Variants in MCPH1 observed in about 807,000 individuals in gnomAD.
The protein encoded by MCPH1 is microcephalin 1.
In MCPH1, 104 loss-of-function variants were observed where a neutral mutation model predicts 84.5. That is an observed-to-expected ratio of 1.23 (90% confidence interval 1.05 to 1.45). The LOEUF is 1.45. Among genes scored for constraint, MCPH1 ranks in the 40% most tolerant of loss-of-function variants. The pLI, the probability that MCPH1 is intolerant of heterozygous loss-of-function variation, is 0.00. For synonymous variants in MCPH1, 514 were observed against 366.8 expected, an observed-to-expected ratio of 1.40 and a Z score of -4.58; for missense variants, 1,498 against 1,005.7, an observed-to-expected ratio of 1.49 and a Z score of -6.62.
Position 6,489,227 on chromosome 8 carries a change from T to C in MCPH1, c.2136+8351T>C, listed in dbSNP as rs375831831. On this transcript the variant is annotated intron_variant, in intron 11 of 13. Transcript: ENST00000344683. The stretch of plus-strand genomic sequence containing the variant: ...AACTATTCACTCCAGCCATGGTACC[T>C]GGAAGGGAGTGTGAATGAAGAAATG... Among the ~76,000 whole-genome samples the C allele has an allele frequency of 1.0e-3, 155 of 151,972 alleles. 2 individuals carry two copies. The highest frequency in any genetic ancestry group is 3.7e-3 in the African/African-American group (153 of 41,424).
intron 12 of MCPH1, among the ~76,000 whole-genome samples, chr8:6,568,251 C>G (rs1826370140): frequency 8.6e-6 from 1 of 116,838 alleles, no homozygotes; most frequent in South Asian, 2.6e-4. Context: ...CCATCGCTAG[C>G]TGAATGTGGA....
chr8:6,444,785 A>G lies in MCPH1; in HGVS notation c.1063A>G (p.Lys355Glu). 1 of 1,614,086 alleles carries G rather than the reference A, an allele frequency of 6.2e-7. No homozygotes were observed. The highest frequency in any genetic ancestry group is 8.5e-7 in the Non-Finnish European group (1 of 1,179,990). Residue 355 changes from lysine to glutamate, a missense_variant, in exon 8 of 14, where the codon AAG becomes GAG. Physicochemically the swap from Lys to Glu is moderately conservative, Grantham distance 56. Coordinates refer to ENST00000344683, the MANE Select transcript of MCPH1 (RefSeq NM_024596.5). ...TTCAAGACCCAGGAGTTCCTCAGTAAAGAGAAAAAGAGTATCACATGGCTC... is the reference window on the plus strand; with the variant it reads ...TTCAAGACCCAGGAGTTCCTCAGTAGAGAGAAAAAGAGTATCACATGGCTC... ...IHSRPRSSSVKRKRVSHGSHS... is the reference protein window; with the variant it reads ...IHSRPRSSSVERKRVSHGSHS...
At chr8:6,493,259 T>G (rs187457169) in intron 11 of MCPH1, among the ~76,000 whole-genome samples, 74 of 152,344 alleles carry the variant, frequency 4.9e-4, no homozygotes, top group African/African-American at 1.6e-3. Flanking sequence ...AGTTAAGCCT[T>G]AACATCGAGA....
At chr8:6,574,019 C>T (rs754685332) in intron 12 of MCPH1, among the ~76,000 whole-genome samples, 7 of 152,096 alleles carry the variant, frequency 4.6e-5, no homozygotes, top group Non-Finnish European at 8.8e-5. Context: ...TTACAATTTC[C>T]CAAGAATAAT....
intron 12 of MCPH1, among the ~76,000 whole-genome samples, chr8:6,537,822 TC>T (rs1282842084): frequency 2.0e-5 from 3 of 152,120 alleles, no homozygotes; most frequent in Non-Finnish European, 1.5e-5. Context: ...ATGAAAACTA[TC>T]CCCAACTTGG....
chr8:6,562,175 C>G (rs1470351651), intron 12 of MCPH1, among the ~76,000 whole-genome samples: 1 of 152,178 alleles, frequency 6.6e-6, no homozygotes, highest in Non-Finnish European at 1.5e-5. Flanking sequence ...TGGTAAAGCA[C>G]TTTACTCCAT....
intron 12 of MCPH1, among the ~76,000 whole-genome samples, chr8:6,611,190 A>G (rs142817005): frequency 1.7e-3 from 266 of 152,106 alleles, no homozygotes; most frequent in African/African-American, 6.4e-3. Context: ...GGTTTTTTTC[A>G]TGCCAAACAA....
intron 4 of MCPH1, among the ~76,000 whole-genome samples, chr8:6,435,433 GA>G (rs1414731010): frequency 2.0e-5 from 3 of 152,164 alleles, no homozygotes; most frequent in African/African-American, 7.2e-5. Flanking sequence ...CATAGGCAGA[GA>G]AAACAAAGTG....
In MCPH1 at chr8:6,578,396, G is replaced by T. The variant is rs181252210; in HGVS notation, c.2215-43058G>T. On this transcript the variant is annotated intron_variant, in intron 12 of 13. Transcript: ENST00000344683. Reference sequence around the variant, plus strand: ...CCTTTCCTGAATGTGTTTACTTAGGGCTTAAAAATATGCCTGTTTTCAGAA... The same window carrying T: ...CCTTTCCTGAATGTGTTTACTTAGGTCTTAAAAATATGCCTGTTTTCAGAA... Among the ~76,000 whole-genome samples the T allele has an allele frequency of 1.5e-3, 228 of 152,256 alleles. 2 individuals carry two copies. The highest frequency in any genetic ancestry group is 5.4e-3 in the African/African-American group (223 of 41,546).
chr8:6,497,668 T>A (rs983515911), intron 11 of MCPH1, among the ~76,000 whole-genome samples: 11 of 152,190 alleles, frequency 7.2e-5, no homozygotes, highest in African/African-American at 2.7e-4. Flanking sequence ...GTACAACACA[T>A]GTAGCACTCC....
chr8:6,591,776 A>T (rs1828474533), intron 12 of MCPH1, among the ~76,000 whole-genome samples: 1 of 152,220 alleles, frequency 6.6e-6, no homozygotes, highest in South Asian at 2.1e-4. Context: ...CACCAGGGAC[A>T]ACTTCGTCTA....
intron 12 of MCPH1, chr8:6,508,785 C>T (rs1814316852): frequency 8.5e-7 from 1 of 1,170,370 alleles, no homozygotes. Context: ...AAGTGAAAAA[C>T]ACATTTACCT....
intron 12 of MCPH1, among the ~76,000 whole-genome samples, chr8:6,606,147 A>G (rs1220491019): frequency 2.6e-5 from 4 of 152,248 alleles, no homozygotes; most frequent in African/African-American, 9.6e-5. Flanking sequence ...CTAAGTCCCA[A>G]AGTGTTGCAA....
In MCPH1 at chr8:6,586,055, G is replaced by T. The variant is rs558590729; in HGVS notation, c.2215-35399G>T. On this transcript the variant is annotated intron_variant, in intron 12 of 13. Coordinates refer to ENST00000344683, the MANE Select transcript of MCPH1 (RefSeq NM_024596.5). The stretch of plus-strand genomic sequence containing the variant: ...GGCTCACTGCAGCCTTGACCTCCTG[G>T]GTTCAAGTGATCCTTGTACTTCAAC... Among the ~76,000 whole-genome samples the T allele has an allele frequency of 5.3e-5, 8 of 152,228 alleles. No homozygotes were observed. The East Asian group carries it at 1.4e-3, about 26-fold the overall frequency.
At chr8:6,632,620 T>C (rs761381458) in intron 13 of MCPH1, among the ~76,000 whole-genome samples, 1 of 152,076 alleles carries the variant, frequency 6.6e-6, no homozygotes, top group Non-Finnish European at 1.5e-5. Flanking sequence ...CCATCCTGGC[T>C]AACACAGTGA....
intron 12 of MCPH1, among the ~76,000 whole-genome samples, chr8:6,503,450 G>A (rs1341032979): frequency 6.6e-6 from 1 of 152,198 alleles, no homozygotes; most frequent in Non-Finnish European, 1.5e-5. Context: ...TGACATCACA[G>A]TTCCATTACG....
chr8:6,419,420 G>C (rs1216829923), intron 3 of MCPH1, among the ~76,000 whole-genome samples: 1 of 150,986 alleles, frequency 6.6e-6, no homozygotes, highest in Non-Finnish European at 1.5e-5. Flanking sequence ...TTCTTTTTGA[G>C]ATGGAGTCTT....
intron 12 of MCPH1, among the ~76,000 whole-genome samples, chr8:6,595,841 G>C (rs1828886594): frequency 6.6e-6 from 1 of 152,130 alleles, no homozygotes; most frequent in Non-Finnish European, 1.5e-5. Flanking sequence ...GATACAATTG[G>C]GCAGGCAACG....
intron 5 of MCPH1, 117 bp downstream of exon 5, chr8:6,436,279 C>T (rs1469542735): frequency 1.7e-6 from 2 of 1,147,812 alleles, no homozygotes; most frequent in Admixed American, 2.6e-5. Context: ...GATAGCTTTA[C>T]TCTATGAAGG....
Sources: gnomAD v4.1 joint callset for allele counts (sites outside exome capture counted in the v4.1 genomes callset) on GRCh38, gnomAD v4.1.1 for gene constraint, MANE v1.5 for transcripts, NCBI Gene and HGNC (gene_info 2026-07-23, HGNC 2026-07-21) for gene names.